The following BCL2A1 variants were observed in gnomAD, a reference collection of about 807,000 sequenced individuals.
The protein encoded by BCL2A1 is BCL2 related protein A1, also known as bcl-2-related protein A1.
In BCL2A1, 10 loss-of-function variants were observed where a neutral mutation model predicts 14.4. That is an observed-to-expected ratio of 0.69 (90% confidence interval 0.43 to 1.18). The LOEUF (loss-of-function observed/expected upper bound fraction) is 1.18, where lower values mean the gene tolerates loss of function less well. Ranked by LOEUF, BCL2A1 falls within the 50% of genes most tolerant of loss-of-function variation. The probability of loss-of-function intolerance (pLI) is 0.00; values close to 1 mark genes in which losing one functional copy is unlikely to be tolerated. For missense variants in BCL2A1, 158 were observed against 205.0 expected (o/e 0.77, Z 1.40); for synonymous variants, 71 against 76.5 (o/e 0.93, Z 0.38).
In BCL2A1 at chr15:79,967,746, T is replaced by G. The variant is rs1303957041; in HGVS notation, c.420+2954A>C. ...ATTCATTTAAGCAGATTTGTCAACA[T>G]CACTATGAAAAGATGATAACAGTTT... is the stretch of plus-strand genomic sequence containing the variant. On this transcript the variant is annotated intron_variant, in intron 1 of 1. Transcript: ENST00000267953. 10 of 1,154,656 alleles carry G rather than the reference T, an allele frequency of 8.7e-6. No homozygotes were observed. The East Asian group carries it at 2.4e-4, about 27-fold the overall frequency. 71.5% of individuals were successfully genotyped at this position (1,154,656 alleles called of 1,614,324 possible). A position where few individuals can be genotyped will look rare whatever the true frequency, so the allele number is the denominator to read the frequency against.
chr15:79,966,262 T>C (rs187945987), intron 1 of BCL2A1, among the ~76,000 whole-genome samples: 2 of 152,284 alleles, frequency 1.3e-5, no homozygotes, highest in East Asian at 1.9e-4. Context: ...GTCATATTAT[T>C]ATATACATTA....
chr15:79,968,121 G>A (rs1646180620), intron 1 of BCL2A1, among the ~76,000 whole-genome samples: 1 of 152,162 alleles, frequency 6.6e-6, no homozygotes, highest in South Asian at 2.1e-4. Flanking sequence ...CTAACAGTGA[G>A]TTCCAGGAGC....
At chr15:79,963,800 A>G (rs568396698) in intron 1 of BCL2A1, among the ~76,000 whole-genome samples, 2 of 152,314 alleles carry the variant, frequency 1.3e-5, no homozygotes, top group East Asian at 1.9e-4. Context: ...ATTATATCTA[A>G]AAGGGGAAAA....
At chr15:79,965,669 T>G (rs2035535029) in intron 1 of BCL2A1, among the ~76,000 whole-genome samples, 1 of 152,194 alleles carries the variant, frequency 6.6e-6, no homozygotes, top group Non-Finnish European at 1.5e-5. Context: ...AACTAGCACT[T>G]AAGTGTCATA....
chr15:79,961,608 G>C (rs905468792), intron 1 of BCL2A1, among the ~76,000 whole-genome samples: 5 of 151,662 alleles, frequency 3.3e-5, no homozygotes, highest in African/African-American at 1.2e-4. Context: ...TCTCGTTCTT[G>C]TTCAATTGTC....
Position 79,961,143 on chromosome 15 carries a change from T to A in BCL2A1, c.452A>T (p.Lys151Ile). ...TTCTAGAAAAGTCATCCAGCCAGAT[T>A]TAGGTTCAAACTTCTTTACAAAGCC... The part of the protein sequence containing the change: ...ENGFVKKFEP[K>I]SGWMTFLEVT... Residue 151 changes from lysine (K) to isoleucine (I), a missense_variant, in exon 2 of 2, where the codon AAA becomes ATA. By Grantham distance (102) the Lys-to-Ile change is moderately radical. Transcript: ENST00000267953. 5 of 1,614,104 alleles carry A rather than the reference T, an allele frequency of 3.1e-6. No individual in the cohort carries two copies. The highest frequency in any genetic ancestry group is 4.2e-6 in the Non-Finnish European group (5 of 1,179,994).
Position 79,971,084 on chromosome 15 carries a change from C to T in BCL2A1, c.36G>A (p.Leu12=), listed in dbSNP as rs1216082871. 6.2e-7 allele frequency: 1 copy of T among 1,614,062 alleles called. No individual in the cohort carries two copies. The highest frequency in any genetic ancestry group is 8.5e-7 in the Non-Finnish European group (1 of 1,179,914). ...GGACGCACTGCAGATAGTCCTGAGC[C>T]AGCCTGTAAATATATCCAAATTCAC... ...TDCEFGYIYR[L]AQDYLQCVLQ... Residue 12 remains leucine, a synonymous_variant, in exon 1 of 2, where the codon CTG becomes CTA. Coordinates refer to ENST00000267953, the MANE Select transcript of BCL2A1 (RefSeq NM_004049.4).
intron 1 of BCL2A1, among the ~76,000 whole-genome samples, chr15:79,965,066 AG>A (rs1399469104): frequency 3.3e-5 from 5 of 152,196 alleles, no homozygotes; most frequent in South Asian, 2.1e-4. Flanking sequence ...TTTTGTTCCC[AG>A]GGTAAAAGGG....
Position 79,971,043 on chromosome 15 carries a change from G to A in BCL2A1, c.77C>T (p.Pro26Leu). ...YLQCVLQIPQ[P>L]GSGPSKTSRV... is the part of the protein sequence containing the mutation. ...GGACGTTTTGCTTGGACCTGATCCA[G>A]GTTGTGGTATCTGTAGGACGCACTG... The change falls in exon 1 of 2, where the codon CCT (proline) becomes CTT (leucine). Residue 26 changes from proline (P) to leucine (L), a missense_variant. Transcript: ENST00000267953. 6.2e-7 allele frequency: 1 copy of A among 1,614,174 alleles called. No homozygotes were observed. The highest frequency in any genetic ancestry group is 1.3e-5 in the African/African-American group (1 of 75,050).
chr15:79,962,800 C>A lies in BCL2A1; in HGVS notation c.421-1626G>T, dbSNP rs556893639. On this transcript the variant is annotated intron_variant, in intron 1 of 1. Coordinates refer to ENST00000267953, the MANE Select transcript of BCL2A1 (RefSeq NM_004049.4). ...TGACCTCATGATCCACTCACCTCGG[C>A]CTCACAAAGTGCTGGGATTACAGGT... Among the ~76,000 whole-genome samples, 33 of 152,024 alleles carry A rather than the reference C, an allele frequency of 2.2e-4. No homozygotes were observed. The South Asian group carries it at 5.6e-3, about 26-fold the overall frequency.
rs1896795 is a variant in BCL2A1 at position 79,965,994 on chromosome 15, T to C, written c.420+4706A>G. Among the ~76,000 whole-genome samples the C allele has an allele frequency of 0.024, 3,651 of 151,444 alleles. 347 individuals are homozygous for C. The East Asian group carries it at 0.33, about 14-fold the overall frequency. On this transcript the variant is annotated intron_variant, in intron 1 of 1. Transcript: ENST00000267953. Reference sequence around the variant, plus strand: ...AAAAAAGAAAAAAAACCTCTTGACCTAACTGTATGACCCAACCTTTAAAAT... The same window carrying C: ...AAAAAAGAAAAAAAACCTCTTGACCCAACTGTATGACCCAACCTTTAAAAT...
chr15:79,965,417 G>A (rs992553956), intron 1 of BCL2A1, among the ~76,000 whole-genome samples: 2 of 152,306 alleles, frequency 1.3e-5, no homozygotes, highest in Non-Finnish European at 2.9e-5. Flanking sequence ...TTGAGCCAAT[G>A]CGCCCGGCCC....
intron 1 of BCL2A1, among the ~76,000 whole-genome samples, chr15:79,964,326 G>A (rs763219315): frequency 5.9e-5 from 9 of 152,166 alleles, no homozygotes; most frequent in South Asian, 4.2e-4. Context: ...ACAGGCAGCC[G>A]GGCGCAGTGA....
In BCL2A1 at chr15:79,961,019, C is replaced by G. The variant is rs769229879; in HGVS notation, c.*48G>C. On this transcript the variant is annotated 3_prime_UTR_variant, in exon 2 of 2. Coordinates refer to ENST00000267953, the MANE Select transcript of BCL2A1 (RefSeq NM_004049.4). ...TATGTGTTGGCAATCGTTTCCATAT[C>G]AGTCAGAAAAATTAGGCCGGTTTCA... 6 of 1,608,014 alleles carry G rather than the reference C, an allele frequency of 3.7e-6. No individual in the cohort carries two copies. The African/African-American group carries it at 6.7e-5, about 18-fold the overall frequency.
intron 1 of BCL2A1, among the ~76,000 whole-genome samples, chr15:79,968,265 T>A (rs189602499): frequency 6.6e-6 from 1 of 152,338 alleles, no homozygotes; most frequent in East Asian, 1.9e-4. Flanking sequence ...AGAGTATTTC[T>A]CTGCAGGCTC....
At chr15:79,965,676 CA>C (rs2035535137) in intron 1 of BCL2A1, among the ~76,000 whole-genome samples, 2 of 152,128 alleles carry the variant, frequency 1.3e-5, no homozygotes, top group Admixed American at 1.3e-4. Context: ...ACTTAAGTGT[CA>C]TACATTTCTG....
intron 1 of BCL2A1, among the ~76,000 whole-genome samples, chr15:79,962,926 G>A (rs565260786): frequency 8.6e-5 from 13 of 151,962 alleles, no homozygotes; most frequent in Admixed American, 4.6e-4. Flanking sequence ...CATCAATGTC[G>A]AAAGGACAGT....
chr15:79,970,763 T>G lies in BCL2A1; in HGVS notation c.357A>C (p.Ser119=), dbSNP rs1341325245. Residue 119 remains serine (S), a synonymous_variant, in exon 1 of 2, where the codon TCA becomes TCC. Coordinates refer to ENST00000267953, the MANE Select transcript of BCL2A1 (RefSeq NM_004049.4). ...TCATTATGAACTCCGCAACAAAATATGAAATCTCCTTATAGGTATCCACAT... is the reference window on the plus strand; with the variant it reads ...TCATTATGAACTCCGCAACAAAATAGGAAATCTCCTTATAGGTATCCACAT... ...APDVDTYKEI[S]YFVAEFIMNN... The G allele has an allele frequency of 6.2e-7, 1 of 1,614,214 alleles. No individual in the cohort carries two copies. Among genetic ancestry groups the G allele is most frequent in the South Asian group, 1.1e-5 (1 of 91,084 alleles).
At chr15:79,963,971 A>G (rs1278894211) in intron 1 of BCL2A1, among the ~76,000 whole-genome samples, 2 of 151,444 alleles carry the variant, frequency 1.3e-5, no homozygotes, top group East Asian at 3.9e-4. Context: ...ACAGGAAAAA[A>G]CTCTTGTGCA....
Sources: allele counts gnomAD v4.1 joint callset (sites outside exome capture counted in the v4.1 genomes callset), GRCh38; gene constraint gnomAD v4.1.1; transcripts MANE v1.5; gene names NCBI Gene and HGNC (gene_info 2026-07-23, HGNC 2026-07-21).